STOX2: variants seen among roughly 807,000 people sequenced by gnomAD.
The protein encoded by STOX2 is storkhead-box protein 2.
STOX2 carries 28 observed loss-of-function variants against 60.9 expected under a neutral mutation model. The ratio of observed to expected loss-of-function variants is 0.46; its 90% confidence interval spans 0.34 to 0.63. STOX2 has a LOEUF of 0.63. STOX2 is among the 30% of genes least tolerant of loss of function. The pLI is 0.01. For synonymous variants in STOX2, 472 were observed against 463.9 expected (o/e 1.02, Z -0.22); for missense variants, 1,024 against 1,187.7 (o/e 0.86, Z 2.03).
At chr4:183,997,585 A>T (rs999712039) in intron 1 of STOX2, among the ~76,000 whole-genome samples, 2 of 152,190 alleles carry the variant, frequency 1.3e-5, no homozygotes, top group East Asian at 1.9e-4. Context: ...GCTGAACATC[A>T]TCAAGTTCTT....
At chr4:183,864,650 T>C (rs1740524625) in intron 1 of STOX2, among the ~76,000 whole-genome samples, 1 of 152,144 alleles carries the variant, frequency 6.6e-6, no homozygotes, top group Non-Finnish European at 1.5e-5. Context: ...CACCTCTGCC[T>C]CCCAACGTGC....
chr4:183,848,445 A>G (rs529257543), intron 1 of STOX2, among the ~76,000 whole-genome samples: 26 of 152,232 alleles, frequency 1.7e-4, no homozygotes, highest in African/African-American at 3.9e-4. Context: ...TTCATTAGCC[A>G]TAAATAAGTC....
chr4:183,981,788 C>T (rs1377358747), intron 1 of STOX2, among the ~76,000 whole-genome samples: 2 of 152,088 alleles, frequency 1.3e-5, no homozygotes, highest in African/African-American at 2.4e-5. Flanking sequence ...AGTGCACCTG[C>T]GGCTGGGCGC....
At chr4:183,850,162 G>A (rs1382911076) in intron 1 of STOX2, among the ~76,000 whole-genome samples, 1 of 151,506 alleles carries the variant, frequency 6.6e-6, no homozygotes, top group South Asian at 2.1e-4. Flanking sequence ...TAGTAGAGAC[G>A]AGGTTTCACC....
At chr4:183,938,611 G>A (rs7375891) in intron 1 of STOX2, among the ~76,000 whole-genome samples, 86,987 of 147,550 alleles carry the variant, frequency 0.59, 27,823 homozygotes, top group Non-Finnish European at 0.72. Context: ...GGAGGCTGCA[G>A]TGAGCGGAGA....
intron 1 of STOX2, among the ~76,000 whole-genome samples, chr4:183,954,820 C>A (rs1743201140): frequency 6.6e-6 from 1 of 152,030 alleles, no homozygotes; most frequent in African/African-American, 2.4e-5. Context: ...CTCAGTGCAA[C>A]CTCTGCCTGC....
At chr4:183,912,483 G>A (rs1316697342) in intron 1 of STOX2, among the ~76,000 whole-genome samples, 1 of 152,174 alleles carries the variant, frequency 6.6e-6, no homozygotes, top group Non-Finnish European at 1.5e-5. Context: ...TAGTTTATGT[G>A]ACTTTGCCCA....
In STOX2 at chr4:183,951,084, C is replaced by T. The variant is rs374028213; in HGVS notation, c.166+44128C>T. On this transcript the variant is annotated intron_variant, in intron 1 of 3. Coordinates refer to ENST00000308497, the MANE Select transcript of STOX2 (RefSeq NM_020225.3). The stretch of plus-strand genomic sequence containing the variant: ...CAAAAAAATTAGCCGGGCGTGGTGG[C>T]GGGCGCCTGTAGTCCCAGCTACTCG... Among the ~76,000 whole-genome samples, 491 of 151,736 alleles carry T rather than the reference C, an allele frequency of 3.2e-3. 1 individual carries two copies. Among genetic ancestry groups the T allele is most frequent in the African/African-American group, 0.011 (439 of 41,338 alleles).
chr4:183,947,634 C>T (rs1742935120), intron 1 of STOX2, among the ~76,000 whole-genome samples: 1 of 152,134 alleles, frequency 6.6e-6, no homozygotes, highest in Non-Finnish European at 1.5e-5. Context: ...ATTGCTCAGT[C>T]CTCAATAAAT....
At chr4:183,882,478 A>G (rs1314944926) in intron 1 of STOX2, among the ~76,000 whole-genome samples, 1 of 152,254 alleles carries the variant, frequency 6.6e-6, no homozygotes, top group East Asian at 1.9e-4. Context: ...ATTAACTTCT[A>G]TCACTTCATT....
chr4:184,009,991 G>T lies in STOX2; in HGVS notation c.1153G>T (p.Asp385Tyr), dbSNP rs367958453. 3 of 1,613,792 alleles carry T rather than the reference G, an allele frequency of 1.9e-6. No individual in the cohort carries two copies. Among genetic ancestry groups the T allele is most frequent in the African/African-American group, 2.7e-5 (2 of 74,934 alleles). Residue 385 changes from aspartate (D) to tyrosine (Y), a missense_variant, in exon 3 of 4, where the codon GAC (aspartate) becomes TAC (tyrosine). Transcript: ENST00000308497. This position sits in a 1 kb window ranked among gnomAD's most constrained non-coding sequence, Gnocchi z 4.0. Reference sequence around the variant, plus strand: ...ACGGGTGTCTAAAGGAGACCCTTCCGACGGTTCACATCTGGATATCCCAGC... The same window carrying T: ...ACGGGTGTCTAAAGGAGACCCTTCCTACGGTTCACATCTGGATATCCCAGC... ...KTRVSKGDPS[D>Y]GSHLDIPAER...
chr4:183,945,551 A>G (rs1454445339), intron 1 of STOX2, among the ~76,000 whole-genome samples: 1 of 152,232 alleles, frequency 6.6e-6, no homozygotes, highest in Non-Finnish European at 1.5e-5. Context: ...ACAGGTTACT[A>G]TGAATGCCTG....
intron 1 of STOX2, among the ~76,000 whole-genome samples, chr4:183,923,982 T>C (rs981518453): frequency 1.3e-5 from 2 of 152,214 alleles, no homozygotes; most frequent in Non-Finnish European, 2.9e-5. Context: ...TCTGGGGAAC[T>C]TAAGCAGATA....
At chr4:183,915,659 A>G (rs1741910716) in intron 1 of STOX2, among the ~76,000 whole-genome samples, 1 of 152,176 alleles carries the variant, frequency 6.6e-6, no homozygotes, top group Admixed American at 6.5e-5. Context: ...TTCTTATAAG[A>G]AGAAGAAAAG....
intron 1 of STOX2, among the ~76,000 whole-genome samples, chr4:183,898,870 A>G (rs761055724): frequency 6.6e-6 from 1 of 152,146 alleles, no homozygotes; most frequent in Admixed American, 6.5e-5. Flanking sequence ...GTTTATGGGT[A>G]CACCTTGTTT....
chr4:183,897,516 G>A (rs1185931090), intron 1 of STOX2, among the ~76,000 whole-genome samples: 1 of 152,206 alleles, frequency 6.6e-6, no homozygotes, highest in African/African-American at 2.4e-5. Context: ...CGGGGCTGAG[G>A]AGCTGGACAC....
At chr4:183,956,841 T>C (rs1743264875) in intron 1 of STOX2, among the ~76,000 whole-genome samples, 1 of 152,144 alleles carries the variant, frequency 6.6e-6, no homozygotes, top group South Asian at 2.1e-4. Flanking sequence ...TTTATGAAAC[T>C]GATTTTTTCG....
chr4:183,910,378 T>C (rs1205595763), intron 1 of STOX2, among the ~76,000 whole-genome samples: 2 of 152,162 alleles, frequency 1.3e-5, no homozygotes, highest in Non-Finnish European at 2.9e-5. Context: ...CATTTGTCTC[T>C]GTGAAATGAT....
intron 1 of STOX2, 50 bp downstream of exon 1, chr4:183,907,006 C>A (rs1186456030): frequency 9.0e-6 from 13 of 1,440,856 alleles, no homozygotes; most frequent in East Asian, 2.5e-5. Context: ...GCGGGACGTG[C>A]TCGGTACGCC....
Sources: gnomAD v4.1 joint callset for allele counts (sites outside exome capture counted in the v4.1 genomes callset) on GRCh38, gnomAD v4.1.1 for gene constraint, Gnocchi (gnomAD v3.1) non-coding constraint, MANE v1.5 for transcripts, NCBI Gene and HGNC (gene_info 2026-07-23, HGNC 2026-07-21) for gene names.